The following ZFP91 variants were observed in gnomAD, a reference collection of about 807,000 sequenced individuals.
ZFP91 encodes the protein E3 ubiquitin-protein ligase ZFP91.
Under a neutral mutation model 63.5 loss-of-function variants are expected in ZFP91, and 7 were observed. The observed-to-expected ratio is 0.11, with a 90% CI of 0.06 to 0.21. The LOEUF (loss-of-function observed/expected upper bound fraction) is 0.21, where lower values mean the gene tolerates loss of function less well. ZFP91 is among the 10% of genes least tolerant of loss of function. The pLI, the probability that ZFP91 is intolerant of heterozygous loss-of-function variation, is 1.00. For missense variants in ZFP91, 628 were observed against 736.6 expected, an observed-to-expected ratio of 0.85 and a Z score of 1.71; for synonymous variants, 330 against 272.1, an observed-to-expected ratio of 1.21 and a Z score of -2.10.
At chr11:58,590,243 G>C (rs1279880966) in intron 2 of ZFP91, among the ~76,000 whole-genome samples, 1 of 152,196 alleles carries the variant, frequency 6.6e-6, no homozygotes, top group Non-Finnish European at 1.5e-5. Flanking sequence ...ATTGCCCCTT[G>C]ACTGTTAAGT....
At chr11:58,611,260 T>G (rs535130896) in intron 5 of ZFP91, 1 of 491,420 alleles carries the variant, frequency 2.0e-6, no homozygotes, top group East Asian at 3.2e-5. Context: ...TTATTTTGAT[T>G]ATATACAAGT....
intron 7 of ZFP91, 47 bp from the exon 8 acceptor site, chr11:58,612,715 A>G (rs373715398): frequency 1.8e-5 from 24 of 1,319,088 alleles, no homozygotes; most frequent in Middle Eastern, 4.0e-4. Context: ...TGTGCAGAGT[A>G]CCACTTTTTT....
intron 7 of ZFP91, 38 bp downstream of exon 7, chr11:58,612,366 C>G (rs754627818): frequency 6.3e-7 from 1 of 1,599,582 alleles, no homozygotes; most frequent in Non-Finnish European, 8.6e-7. Context: ...ACACCTTATT[C>G]CAGTACCAGG....
At chr11:58,600,618 T>G (rs1267837544) in intron 2 of ZFP91, among the ~76,000 whole-genome samples, 1 of 152,160 alleles carries the variant, frequency 6.6e-6, no homozygotes, top group African/African-American at 2.4e-5. Flanking sequence ...GATACAGTTT[T>G]ACTTCTTCCT....
chr11:58,587,781 A>T (rs1590611374), intron 2 of ZFP91, among the ~76,000 whole-genome samples: 1 of 151,586 alleles, frequency 6.6e-6, no homozygotes, highest in Admixed American at 6.6e-5. Flanking sequence ...ATGAAGCCTA[A>T]TTTTTTTTTC....
chr11:58,611,192 T>G (rs1218727051), intron 5 of ZFP91, 138 bp downstream of exon 5: 4 of 662,170 alleles, frequency 6.0e-6, no homozygotes, highest in Non-Finnish European at 9.9e-6. Context: ...GCACTTCTTT[T>G]GTAAGTCTAA....
At chr11:58,598,388 A>T (rs1855438375) in intron 2 of ZFP91, among the ~76,000 whole-genome samples, 2 of 152,048 alleles carry the variant, frequency 1.3e-5, no homozygotes, top group Admixed American at 6.5e-5. Context: ...ATCTCCAAAA[A>T]ATTTTCTTAC....
chr11:58,592,561 TA>T (rs1275542566), intron 2 of ZFP91, among the ~76,000 whole-genome samples: 1 of 152,146 alleles, frequency 6.6e-6, no homozygotes, highest in Non-Finnish European at 1.5e-5. Context: ...TTATGCTAAG[TA>T]AAATGCGCCA....
Position 58,617,056 on chromosome 11 carries a change from T to G in ZFP91, c.1203-140T>G, listed in dbSNP as rs188817288. 1 of 927,534 alleles carries G rather than the reference T, an allele frequency of 1.1e-6. No homozygotes were observed. Among genetic ancestry groups the G allele is most frequent in the East Asian group, 2.6e-5 (1 of 38,286 alleles). 57.5% of individuals were successfully genotyped at this position (927,534 alleles called of 1,614,324 possible). A position where few individuals can be genotyped will look rare whatever the true frequency, so the allele number is the denominator to read the frequency against. ...ACATTTCCCAATCCTTCAAAAGAAG[T>G]ATGTTACTGATTATTGTGTGTGTGT... On this transcript the variant is annotated intron_variant, in intron 10 of 10. Transcript: ENST00000316059. The surrounding 1 kb of genome is among the most constrained non-coding windows in gnomAD (Gnocchi z 4.2).
intron 9 of ZFP91, 70 bp from the exon 10 acceptor site, chr11:58,616,646 T>C: frequency 7.5e-7 from 1 of 1,332,738 alleles, no homozygotes; most frequent in Non-Finnish European, 1.1e-6. Flanking sequence ...CATCATCTGC[T>C]TACTTACTGT....
chr11:58,609,926 G>A lies in ZFP91; in HGVS notation c.467G>A (p.Arg156Lys). ...SRPSRGWRSS[R>K]TSVSRHRDTE... ...CCTAGCCGGGGCTGGCGTAGTAGTA[G>A]GACATCTGTTTCTCGCCATCGTGAT... Residue 156 changes from arginine (R) to lysine (K), a missense_variant, in exon 3 of 11, where the codon AGG becomes AAG. Around this residue, in one of 3 missense-constraint regions of ZFP91, gnomAD observed 437 missense variants for 380.3 expected, o/e 1.15. Transcript: ENST00000316059. 2 of 1,614,152 alleles carry A rather than the reference G, an allele frequency of 1.2e-6. No individual in the cohort carries two copies. The highest frequency in any genetic ancestry group is 1.7e-6 in the Non-Finnish European group (2 of 1,180,020).
chr11:58,606,534 A>G (rs923298626), intron 2 of ZFP91, among the ~76,000 whole-genome samples: 1 of 152,138 alleles, frequency 6.6e-6, no homozygotes, highest in Admixed American at 6.5e-5. Flanking sequence ...TCGGGGGTAC[A>G]TGTGCAGGTT....
chr11:58,615,524 CT>C (rs767142181), intron 9 of ZFP91, among the ~76,000 whole-genome samples: 1 of 152,040 alleles, frequency 6.6e-6, no homozygotes, highest in East Asian at 1.9e-4. Flanking sequence ...TATATACAGA[CT>C]TTTTTTTGCA....
chr11:58,594,392 T>A (rs1421315680), intron 2 of ZFP91, among the ~76,000 whole-genome samples: 1 of 152,250 alleles, frequency 6.6e-6, no homozygotes, highest in Non-Finnish European at 1.5e-5. Context: ...TAGAGATCAT[T>A]AAGTTAATAA....
At chr11:58,587,226 C>T (rs942962900) in intron 2 of ZFP91, among the ~76,000 whole-genome samples, 4 of 152,112 alleles carry the variant, frequency 2.6e-5, no homozygotes, top group African/African-American at 9.7e-5. Context: ...AAATGGAAAG[C>T]TACTATGCTA....
intron 9 of ZFP91, among the ~76,000 whole-genome samples, chr11:58,615,304 T>C (rs1197935101): frequency 6.6e-6 from 1 of 152,194 alleles, no homozygotes; most frequent in Non-Finnish European, 1.5e-5. Flanking sequence ...GTAACAGTTA[T>C]TTCTGTTTCT....
intron 9 of ZFP91, 66 bp downstream of exon 9, chr11:58,614,409 G>A (rs1212203639): frequency 4.2e-6 from 5 of 1,179,564 alleles, no homozygotes; most frequent in Non-Finnish European, 6.0e-6. Context: ...TGTTGGTAAT[G>A]ATAACGTTTT....
Position 58,617,070 on chromosome 11 carries a change from TTGTG to T in ZFP91, c.1203-100_1203-97del, listed in dbSNP as rs143676081. The T allele has an allele frequency of 8.7e-3, 6,327 of 729,106 alleles. 2 individuals are homozygous for T. The highest frequency in any genetic ancestry group is 0.014 in the South Asian group (655 of 48,146). 45.2% of individuals were successfully genotyped at this position (729,106 alleles called of 1,614,324 possible). ...TTCAAAAGAAGTATGTTACTGATTA[TTGTG>T]TGTGTGTGTGTGTGTGTGTGTGTGT... On this transcript the variant is annotated intron_variant, in intron 10 of 10. Coordinates refer to ENST00000316059, the MANE Select transcript of ZFP91 (RefSeq NM_053023.5). This position sits in a 1 kb window ranked among gnomAD's most constrained non-coding sequence, Gnocchi z 4.2.
intron 2 of ZFP91, among the ~76,000 whole-genome samples, chr11:58,592,079 CTTT>C (rs34964779): frequency 2.8e-5 from 3 of 108,406 alleles, no homozygotes; most frequent in Non-Finnish European, 1.9e-5. Flanking sequence ...CTGAGCACAT[CTTT>C]TTTTTTTTTT....
Sources: allele counts gnomAD v4.1 joint callset (sites outside exome capture counted in the v4.1 genomes callset), GRCh38; gene constraint gnomAD v4.1.1; regional missense constraint gnomAD v4.1.1; non-coding constraint Gnocchi (gnomAD v3.1); transcripts MANE v1.5; gene names NCBI Gene and HGNC (gene_info 2026-07-23, HGNC 2026-07-21).